The following RAB7B variants were observed in gnomAD, a reference collection of about 807,000 sequenced individuals.
RAB7B encodes RAB7B, member RAS oncogene family, also known as ras-related protein Rab-7b.
At chr1:205,999,846 C>A (rs1660864291) in intron 1 of RAB7B, among the ~76,000 whole-genome samples, 1 of 152,236 alleles carries the variant, frequency 6.6e-6, no homozygotes, top group Non-Finnish European at 1.5e-5. Flanking sequence ...TAGCTCCCTG[C>A]CACCTCAAAT....
At chr1:205,995,824 G>GTA (rs1660803883) in intron 1 of RAB7B, among the ~76,000 whole-genome samples, 1 of 152,176 alleles carries the variant, frequency 6.6e-6, no homozygotes, top group South Asian at 2.1e-4. Context: ...GGTGACTATA[G>GTA]TTAACAACAA....
chr1:205,989,028 C>G (rs907170730), intron 4 of RAB7B, among the ~76,000 whole-genome samples: 5 of 152,050 alleles, frequency 3.3e-5, no homozygotes, highest in Non-Finnish European at 5.9e-5. Context: ...CCTGATTTCA[C>G]TGTCGCTCAG....
chr1:205,995,957 T>C (rs1660805599), intron 1 of RAB7B, among the ~76,000 whole-genome samples: 2 of 152,232 alleles, frequency 1.3e-5, no homozygotes, highest in Non-Finnish European at 2.9e-5. Context: ...AATGTGTGCA[T>C]ATTTCAAAAC....
intron 1 of RAB7B, among the ~76,000 whole-genome samples, chr1:206,003,046 G>A (rs1006774709): frequency 1.3e-5 from 2 of 152,202 alleles, no homozygotes; most frequent in East Asian, 1.9e-4. Context: ...TCAGCTCTTC[G>A]CACAGGCAGG....
chr1:205,990,247 C>A (rs1660697022), intron 4 of RAB7B, among the ~76,000 whole-genome samples: 1 of 152,178 alleles, frequency 6.6e-6, no homozygotes, highest in Admixed American at 6.5e-5. Context: ...GAGGGATTTC[C>A]TTGGAGAGAG....
chr1:205,999,880 C>G (rs996373675), intron 1 of RAB7B, among the ~76,000 whole-genome samples: 2 of 152,156 alleles, frequency 1.3e-5, no homozygotes, highest in Admixed American at 6.5e-5. Context: ...TGATCCTCCC[C>G]CCTCAACCTC....
chr1:205,999,799 A>G (rs1660863755), intron 1 of RAB7B, among the ~76,000 whole-genome samples: 1 of 152,142 alleles, frequency 6.6e-6, no homozygotes, highest in South Asian at 2.1e-4. Context: ...ACAGGGCCTC[A>G]TTCTTTTGCC....
chr1:205,991,820 C>A (rs1660726338), intron 4 of RAB7B, among the ~76,000 whole-genome samples: 1 of 152,228 alleles, frequency 6.6e-6, no homozygotes. Context: ...CGTATTCTTT[C>A]CTCATTAGTA....
chr1:205,980,797 C>T (rs889047410), intron 5 of RAB7B, among the ~76,000 whole-genome samples: 252 of 151,728 alleles, frequency 1.7e-3, no homozygotes, highest in African/African-American at 5.9e-3. Context: ...GATGGTATTG[C>T]TAATTTTTCC....
rs972937642 is a variant in RAB7B, at chr1:205,997,504, G to C, written c.-16-3353C>G. 1.3e-3 allele frequency among the ~76,000 whole-genome samples: 195 copies of C among 152,322 alleles called. 1 individual carries two copies. The highest frequency in any genetic ancestry group is 4.3e-3 in the African/African-American group (178 of 41,564). Reference sequence around the variant, plus strand: ...GGTGAAAGGTGTAAAGGGAGGAAAGGCTGGAAAGGAAGCAAGATTAAGACG... The same window carrying C: ...GGTGAAAGGTGTAAAGGGAGGAAAGCCTGGAAAGGAAGCAAGATTAAGACG... On this transcript the variant is annotated intron_variant, in intron 1 of 5. Coordinates refer to ENST00000617070, the MANE Select transcript of RAB7B (RefSeq NM_001164522.3).
At chr1:205,986,740 C>T (rs1660615431) in intron 4 of RAB7B, among the ~76,000 whole-genome samples, 1 of 152,310 alleles carries the variant, frequency 6.6e-6, no homozygotes, top group African/African-American at 2.4e-5. Context: ...GGGAAATGAC[C>T]ACATACTGAG....
chr1:205,979,677 T>G (rs959430861), intron 5 of RAB7B, among the ~76,000 whole-genome samples: 3 of 152,172 alleles, frequency 2.0e-5, no homozygotes, highest in Non-Finnish European at 4.4e-5. Flanking sequence ...CCTCTGCTAG[T>G]CACAGAGCTC....
intron 4 of RAB7B, among the ~76,000 whole-genome samples, chr1:205,989,390 C>G (rs1472025257): frequency 6.6e-6 from 1 of 152,230 alleles, no homozygotes; most frequent in East Asian, 1.9e-4. Flanking sequence ...ATTGGACCCC[C>G]TCTACTCCCG....
At chr1:205,990,379 C>T (rs1422343470) in intron 4 of RAB7B, among the ~76,000 whole-genome samples, 1 of 152,166 alleles carries the variant, frequency 6.6e-6, no homozygotes, top group Non-Finnish European at 1.5e-5. Flanking sequence ...GTTTGGTGGA[C>T]ATGGTGGACT....
At chr1:205,990,614 G>T (rs1660704965) in intron 4 of RAB7B, among the ~76,000 whole-genome samples, 1 of 151,674 alleles carries the variant, frequency 6.6e-6, no homozygotes, top group African/African-American at 2.4e-5. Context: ...GACCCCCATG[G>T]GGTGGGGATG....
chr1:205,996,182 GTT>G (rs1660810875), intron 1 of RAB7B, among the ~76,000 whole-genome samples: 1 of 128,132 alleles, frequency 7.8e-6, no homozygotes, highest in South Asian at 2.6e-4. Flanking sequence ...GTGTGTGTGT[GTT>G]TAACAAGGTA....
At chr1:205,998,653 C>G (rs941846874) in intron 1 of RAB7B, among the ~76,000 whole-genome samples, 21 of 152,212 alleles carry the variant, frequency 1.4e-4, no homozygotes, top group Admixed American at 1.4e-3. Context: ...TGCTTTCACA[C>G]GCTGTCACAC....
chr1:205,999,707 C>G (rs1446992642), intron 1 of RAB7B, among the ~76,000 whole-genome samples: 4 of 152,198 alleles, frequency 2.6e-5, no homozygotes, highest in Non-Finnish European at 1.5e-5. Flanking sequence ...CAATATGACA[C>G]TCTCTACATC....
At chr1:206,000,953 T>C (rs1299553577) in intron 1 of RAB7B, among the ~76,000 whole-genome samples, 3 of 152,220 alleles carry the variant, frequency 2.0e-5, no homozygotes, top group Non-Finnish European at 4.4e-5. Flanking sequence ...GTAAGTTACC[T>C]CGGCCTTAAC....
Sources: allele counts gnomAD v4.1 joint callset (sites outside exome capture counted in the v4.1 genomes callset), GRCh38; gene constraint gnomAD v4.1.1; transcripts MANE v1.5; gene names NCBI Gene and HGNC (gene_info 2026-07-23, HGNC 2026-07-21).